Variants in NLRP1 observed in about 807,000 individuals in gnomAD.
NLRP1 encodes NACHT, LRR and PYD domains-containing protein 1.
A neutral mutation model predicts 136.7 loss-of-function variants in NLRP1; 94 were observed. The ratio of observed to expected loss-of-function variants is 0.69; its 90% CI spans 0.58 to 0.82. The LOEUF is 0.82. NLRP1 is among the 40% of genes least tolerant of loss of function. The pLI, the probability that NLRP1 is intolerant of heterozygous loss-of-function variation, is 0.00. For missense variants in NLRP1, 1,575 were observed against 1,802.7 expected (o/e 0.87, Z 2.29); for synonymous variants, 690 against 725.1 (o/e 0.95, Z 0.78).
chr17:5,549,817 G>A (rs375558059), intron 5 of NLRP1, among the ~76,000 whole-genome samples: 4 of 152,268 alleles, frequency 2.6e-5, no homozygotes, highest in South Asian at 4.1e-4. Context: ...TAAGTATAAT[G>A]TTAGCTGTGG....
intron 3 of NLRP1, among the ~76,000 whole-genome samples, chr17:5,561,735 G>A (rs1473338084): frequency 0.38 from 38,572 of 102,002 alleles, 9,229 homozygotes; most frequent in Non-Finnish European, 0.41. Context: ...GAGCCACCGC[G>A]CCCGGCCCCA....
chr17:5,569,684 A>T (rs1186096933), intron 3 of NLRP1, among the ~76,000 whole-genome samples: 2 of 151,984 alleles, frequency 1.3e-5, no homozygotes, highest in Non-Finnish European at 2.9e-5. Flanking sequence ...GGGAGACTTC[A>T]CCCACTGACA....
At chr17:5,526,504 T>C (rs546457035) in intron 12 of NLRP1, among the ~76,000 whole-genome samples, 15 of 152,244 alleles carry the variant, frequency 9.9e-5, no homozygotes, top group African/African-American at 3.4e-4. Context: ...AGTGTTCTTG[T>C]TCCCACAGGC....
Position 5,533,368 on chromosome 17 carries a change from A to G in NLRP1, c.3069T>C (p.His1023=), listed in dbSNP as rs1214740583. 8 of 1,256,946 alleles carry G rather than the reference A, an allele frequency of 6.4e-6. No individual in the cohort carries two copies. The highest frequency in any genetic ancestry group is 8.0e-6 in the Non-Finnish European group (7 of 878,324). The allele number at this position is 1,256,946 out of a possible 1,614,324, so 77.9% of individuals were successfully genotyped here. A position where few individuals can be genotyped will look rare whatever the true frequency, so the allele number is the denominator to read the frequency against. ...QRLGSERAAS[H]VAQANLKLLD... ...GGAGTTTGAGATTAGCCTGAGCAAC[A>G]TGGGAAGCCGCCCTCTCTACAGAAA... The change falls in exon 10 of 17, where the codon CAT becomes CAC. Residue 1023 remains histidine (H), a synonymous_variant. Transcript: ENST00000572272.
intron 9 of NLRP1, among the ~76,000 whole-genome samples, 167 bp from the exon 10 acceptor site, chr17:5,533,551 GTTTTTTTTTTTTT>G (rs35006823): frequency 2.2e-5 from 2 of 90,018 alleles, no homozygotes; most frequent in African/African-American, 8.8e-5. Context: ...GTGAGACTCT[GTTTTTTTTTTTTT>G]TTTTTTTTTT....
intron 12 of NLRP1, among the ~76,000 whole-genome samples, chr17:5,524,286 T>C (rs962871543): frequency 2.0e-5 from 3 of 152,248 alleles, no homozygotes; most frequent in Non-Finnish European, 4.4e-5. Context: ...ACTTTGTCTC[T>C]TGTTTCCTGT....
chr17:5,512,018 C>T (rs1038268960), downstream of NLRP1: 13 of 585,840 alleles, frequency 2.2e-5, no homozygotes, highest in African/African-American at 2.4e-4. Flanking sequence ...GAGGTGGTAA[C>T]TAATGACAGT....
chr17:5,567,160 C>G (rs999896881), intron 3 of NLRP1, among the ~76,000 whole-genome samples: 3 of 152,020 alleles, frequency 2.0e-5, no homozygotes, highest in Non-Finnish European at 2.9e-5. Flanking sequence ...AATCCATTTA[C>G]ATTACTTATT....
intron 5 of NLRP1, among the ~76,000 whole-genome samples, chr17:5,550,288 A>G (rs143549494): frequency 6.6e-6 from 1 of 152,260 alleles, no homozygotes; most frequent in East Asian, 1.9e-4. Flanking sequence ...TCTTCTTTAA[A>G]TATTTGGTAG....
chr17:5,526,436 A>C (rs1419036152), intron 12 of NLRP1, among the ~76,000 whole-genome samples: 1 of 152,160 alleles, frequency 6.6e-6, no homozygotes, highest in East Asian at 1.9e-4. Flanking sequence ...ACTCCTGAGT[A>C]GGTGGGCAGG....
Position 5,553,409 on chromosome 17 carries a change from A to G in NLRP1, c.2505T>C (p.Pro835=). ...ACCGCAGGGTCTCCAGGAGGCAGCGAGGGCGTCTCAGGGTCTTACAAAGAC... is the reference window on the plus strand; with the variant it reads ...ACCGCAGGGTCTCCAGGAGGCAGCGGGGGCGTCTCAGGGTCTTACAAAGAC... The part of the protein sequence containing the change: ...VKSLCKTLRR[P]RCLLETLRLA... Residue 835 remains proline, a synonymous_variant, in exon 5 of 17, where the codon CCT becomes CCC. Transcript: ENST00000572272. 6.2e-7 allele frequency: 1 copy of G among 1,613,682 alleles called. No homozygotes were observed. Among genetic ancestry groups the G allele is most frequent in the Non-Finnish European group, 8.5e-7 (1 of 1,179,760 alleles).
intron 3 of NLRP1, among the ~76,000 whole-genome samples, chr17:5,570,955 A>G (rs1567669048): frequency 1.3e-5 from 2 of 152,228 alleles, no homozygotes; most frequent in Non-Finnish European, 2.9e-5. Context: ...GTTTGATTCA[A>G]CATATGCAAA....
At position 5,541,728 on chromosome 17, in the gene NLRP1, G is replaced by A. The variant is rs1436707198; in HGVS notation, c.2699+129C>T. On this transcript the variant is annotated intron_variant, in intron 6 of 16. Coordinates refer to ENST00000572272, the MANE Select transcript of NLRP1 (RefSeq NM_033004.4). The surrounding 1 kb of genome is among the most constrained non-coding windows in gnomAD (Gnocchi z 4.2). ...GCTTCCTCCTGAGCCTCTACTGCCT[G>A]GCTGAGATCCTGTAGGCTCCTCCCA... The A allele has an allele frequency of 8.8e-6, 8 of 907,404 alleles. No individual in the cohort carries two copies. In the African/African-American group the frequency reaches 1.3e-4, roughly 15 times the overall value. 56.2% of individuals were successfully genotyped at this position (907,404 alleles called of 1,614,324 possible). A position where few individuals can be genotyped will look rare whatever the true frequency, so the allele number is the denominator to read the frequency against.
chr17:5,532,093 T>A (rs1910362872), intron 11 of NLRP1, among the ~76,000 whole-genome samples: 1 of 151,976 alleles, frequency 6.6e-6, no homozygotes. Context: ...AAAATACAAT[T>A]TTCATTTTTC....
intron 10 of NLRP1, 55 bp downstream of exon 10, chr17:5,533,249 G>A: frequency 1.3e-6 from 2 of 1,551,424 alleles, no homozygotes; most frequent in Non-Finnish European, 1.7e-6. Context: ...AGGTGGGCAG[G>A]TTGAGAGAGA....
chr17:5,540,049 G>C (rs1911671268), intron 6 of NLRP1, among the ~76,000 whole-genome samples: 1 of 152,218 alleles, frequency 6.6e-6, no homozygotes, highest in Non-Finnish European at 1.5e-5. Flanking sequence ...TTTCCCAGCA[G>C]TTCCATTTTT....
At chr17:5,517,918 T>C (rs1908369136) in intron 14 of NLRP1, 31 bp from the exon 15 acceptor site, 1 of 1,611,614 alleles carries the variant, frequency 6.2e-7, no homozygotes, top group African/African-American at 1.3e-5. Flanking sequence ...GTTGCCACCC[T>C]GTTCATCTTG....
intron 5 of NLRP1, among the ~76,000 whole-genome samples, chr17:5,552,818 T>C (rs1437582130): frequency 6.6e-6 from 1 of 152,234 alleles, no homozygotes; most frequent in African/African-American, 2.4e-5. Context: ...CTACTGCAAT[T>C]TTCTTACTAA....
intron 14 of NLRP1, among the ~76,000 whole-genome samples, chr17:5,519,702 T>C (rs11658017): frequency 0.84 from 127,110 of 151,962 alleles, 53,458 homozygotes; most frequent in African/African-American, 0.92. Flanking sequence ...CCCGCCTTGG[T>C]CTCCCAAAGT....
Sources: gnomAD v4.1 joint callset for allele counts (sites outside exome capture counted in the v4.1 genomes callset) on GRCh38, gnomAD v4.1.1 for gene constraint, Gnocchi (gnomAD v3.1) non-coding constraint, MANE v1.5 for transcripts, NCBI Gene and HGNC (gene_info 2026-07-23, HGNC 2026-07-21) for gene names.